Variants in HIF1A observed in about 807,000 individuals in gnomAD.
HIF1A encodes the protein hypoxia-inducible factor 1-alpha.
In HIF1A, 24 loss-of-function variants were observed where a neutral mutation model predicts 92.7. The observed-to-expected ratio is 0.26, with a 90% CI of 0.19 to 0.36. The LOEUF is 0.36. HIF1A is among the 10% of genes least tolerant of loss of function. The pLI is 1.00. For missense variants in HIF1A, 799 were observed against 998.5 expected (o/e 0.80, Z 2.69); for synonymous variants, 319 against 338.7 (o/e 0.94, Z 0.64).
chr14:61,746,794 T>TAG lies in HIF1A; in HGVS notation c.2330-139_2330-138dup, dbSNP rs1471970419. The TAG allele has an allele frequency of 1.2e-5, 7 of 591,024 alleles. No homozygotes were observed. The South Asian group carries it at 1.6e-4, about 13-fold the overall frequency. 36.6% of individuals were successfully genotyped at this position (591,024 alleles called of 1,614,324 possible). On this transcript the variant is annotated intron_variant, in intron 14 of 14. Transcript: ENST00000337138. ...ACTGGATTATACTTACTTTTTAACA[T>TAG]AGTTGTGGTTTTGCCAGGTAAACTA...
rs115632003 is a variant in HIF1A, at chr14:61,739,791, C to T, written c.1537-714C>T. 9.0e-3 allele frequency among the ~76,000 whole-genome samples: 1,374 copies of T among 152,168 alleles called. 16 individuals carry two copies. Among genetic ancestry groups the T allele is most frequent in the African/African-American group, 0.03 (1,257 of 41,510 alleles). On this transcript the variant is annotated intron_variant, in intron 10 of 14. Transcript: ENST00000337138. ...TAACTTAGGTTTCTACTCCCACCCC[C>T]GACAGTAACAGTGAGATTTTTAGGT...
intron 14 of HIF1A, among the ~76,000 whole-genome samples, chr14:61,746,668 C>T (rs931494365): frequency 1.3e-5 from 2 of 152,152 alleles, no homozygotes; most frequent in South Asian, 4.1e-4. Flanking sequence ...GGATTACAGG[C>T]ATCAGCTTTG....
intron 1 of HIF1A, among the ~76,000 whole-genome samples, chr14:61,719,764 T>G (rs1318839002): frequency 6.6e-6 from 1 of 152,196 alleles, no homozygotes; most frequent in Non-Finnish European, 1.5e-5. Flanking sequence ...TTGGCACCTG[T>G]TGTGCCAGTA....
chr14:61,721,643 G>A lies in HIF1A; in HGVS notation c.361G>A (p.Gly121Arg). 1 of 1,612,980 alleles carries A rather than the reference G, an allele frequency of 6.2e-7. No individual in the cohort carries two copies. The change falls in exon 3 of 15, where the codon GGA becomes AGA. Residue 121 changes from glycine (G) to arginine (R), a missense_variant. By Grantham distance (125) the Gly-to-Arg change is moderately radical. Coordinates refer to ENST00000337138, the MANE Select transcript of HIF1A (RefSeq NM_001530.4). ...TTCTGATAATGTGAACAAATACATG[G>A]GATTAACTCAGGTAAAATGCACACA... ...YISDNVNKYM[G>R]LTQFELTGHS...
At chr14:61,725,412 T>A (rs1184684282) in intron 4 of HIF1A, among the ~76,000 whole-genome samples, 2 of 74,116 alleles carry the variant, frequency 2.7e-5, no homozygotes, top group African/African-American at 2.9e-5. Context: ...TAGTTCCTTA[T>A]TTTTTTTAAT....
At chr14:61,702,473 T>A (rs1488773717) in intron 1 of HIF1A, among the ~76,000 whole-genome samples, 1 of 125,350 alleles carries the variant, frequency 8.0e-6, no homozygotes, top group African/African-American at 2.5e-5. Context: ...AAGAATGTTT[T>A]AATTCTTTAG....
intron 1 of HIF1A, chr14:61,698,750 G>T (rs1473319702): frequency 2.6e-5 from 4 of 152,146 alleles, no homozygotes; most frequent in Non-Finnish European, 4.4e-5. Context: ...CCTAGTATCA[G>T]TTATTTTTCT....
At position 61,721,945 on chromosome 14, in the gene HIF1A, A is replaced by C. The variant is rs2044435833; in HGVS notation, c.457+122A>C. On this transcript the variant is annotated intron_variant, in intron 4 of 14. Transcript: ENST00000337138. ...GGCAAAATGTTATTTCATGTTTAAT[A>C]AAATGTCTATTCTTTGTTAAAACTA... The C allele has an allele frequency of 2.3e-5, 15 of 655,646 alleles. No individual in the cohort carries two copies. The East Asian group carries it at 4.1e-4, about 18-fold the overall frequency. 40.6% of individuals were successfully genotyped at this position (655,646 alleles called of 1,614,324 possible).
At chr14:61,714,031 A>G (rs1393308416) in intron 1 of HIF1A, among the ~76,000 whole-genome samples, 1 of 152,144 alleles carries the variant, frequency 6.6e-6, no homozygotes, top group Admixed American at 6.5e-5. Flanking sequence ...GGGGGGAAAA[A>G]AGCTGTTGGA....
In HIF1A at chr14:61,712,085, A is replaced by G. The variant is rs188008916; in HGVS notation, c.36-8297A>G. Among the ~76,000 whole-genome samples the G allele has an allele frequency of 3.9e-5, 6 of 152,306 alleles. No homozygotes were observed. In the East Asian group the frequency reaches 9.6e-4, roughly 24 times the overall value. The stretch of plus-strand genomic sequence containing the variant: ...ATAGAAAATAAAATAATCAAGTAAG[A>G]TATGTACTTAGGCTTTCATAAAAAT... On this transcript the variant is annotated intron_variant, in intron 1 of 14. Transcript: ENST00000337138.
intron 4 of HIF1A, among the ~76,000 whole-genome samples, chr14:61,724,378 T>C (rs1316241864): frequency 1.3e-5 from 2 of 149,562 alleles, no homozygotes; most frequent in African/African-American, 5.0e-5. Flanking sequence ...TCTCTCTCTC[T>C]CTCCCCCTCC....
intron 14 of HIF1A, among the ~76,000 whole-genome samples, chr14:61,746,614 C>T (rs1369643316): frequency 6.6e-6 from 1 of 151,982 alleles, no homozygotes; most frequent in Admixed American, 6.6e-5. Flanking sequence ...AGGCTGGTTT[C>T]AAACTCCTGG....
chr14:61,717,410 C>A (rs78703581), intron 1 of HIF1A, among the ~76,000 whole-genome samples: 13,988 of 152,006 alleles, frequency 0.092, 816 homozygotes, highest in Middle Eastern at 0.18. Context: ...ATTATAGATC[C>A]CTTGATTGGT....
chr14:61,713,252 A>G (rs1460032003), intron 1 of HIF1A, among the ~76,000 whole-genome samples: 3 of 152,220 alleles, frequency 2.0e-5, no homozygotes, highest in African/African-American at 4.8e-5. Flanking sequence ...CATAATGCCA[A>G]ATTTCTTTAC....
chr14:61,738,482 GTGTGT>G, intron 10 of HIF1A, 109 bp downstream of exon 10: 3 of 1,034,350 alleles, frequency 2.9e-6, no homozygotes, highest in African/African-American at 1.6e-5. Context: ...TTACATTTGT[GTGTGT>G]GTTTGAATTT....
At chr14:61,706,691 C>G (rs560046702) in intron 1 of HIF1A, among the ~76,000 whole-genome samples, 1 of 152,268 alleles carries the variant, frequency 6.6e-6, no homozygotes, top group Non-Finnish European at 1.5e-5. Context: ...TATGGATTCC[C>G]AGGGACCCAT....
chr14:61,718,437 A>G (rs990608029), intron 1 of HIF1A, among the ~76,000 whole-genome samples: 1 of 152,166 alleles, frequency 6.6e-6, no homozygotes, highest in Admixed American at 6.5e-5. Context: ...AGGAAGTGAG[A>G]GATTTTCTGT....
At chr14:61,697,373 G>T (rs2044128484) in intron 1 of HIF1A, among the ~76,000 whole-genome samples, 1 of 152,130 alleles carries the variant, frequency 6.6e-6, no homozygotes, top group African/African-American at 2.4e-5. Flanking sequence ...TAAACCTAAG[G>T]CAGATTACCT....
intron 1 of HIF1A, among the ~76,000 whole-genome samples, chr14:61,713,144 T>G (rs1282736680): frequency 6.6e-6 from 1 of 152,080 alleles, no homozygotes; most frequent in African/African-American, 2.4e-5. Context: ...TGGAAAATGA[T>G]GAGGATAAAG....
Sources: gnomAD v4.1 joint callset for allele counts (sites outside exome capture counted in the v4.1 genomes callset) on GRCh38, gnomAD v4.1.1 for gene constraint, MANE v1.5 for transcripts, NCBI Gene and HGNC (gene_info 2026-07-23, HGNC 2026-07-21) for gene names.